KALRN: variants seen among roughly 807,000 people sequenced by gnomAD.
KALRN encodes the protein kalirin.
A neutral mutation model predicts 353.7 loss-of-function variants in KALRN; 70 were observed. That is an observed-to-expected ratio of 0.20 (90% CI 0.16 to 0.24). The LOEUF is 0.24. Ranked by LOEUF, KALRN falls within the 10% of genes least tolerant of loss-of-function variation. KALRN has a pLI of 1.00. For synonymous variants in KALRN, 1,391 were observed against 1,434.8 expected, an observed-to-expected ratio of 0.97 and a Z score of 0.69; for missense variants, 2,791 against 3,756.7, an observed-to-expected ratio of 0.74 and a Z score of 6.72.
At chr3:124,100,891 T>C (rs1458889260) in intron 1 of KALRN, among the ~76,000 whole-genome samples, 1 of 152,244 alleles carries the variant, frequency 6.6e-6, no homozygotes, top group Non-Finnish European at 1.5e-5. Context: ...TAAAGACCTC[T>C]GTAGGTGATT....
chr3:124,517,735 C>G (rs1012674102), intron 33 of KALRN, among the ~76,000 whole-genome samples: 1 of 152,176 alleles, frequency 6.6e-6, no homozygotes, highest in Non-Finnish European at 1.5e-5. Flanking sequence ...CCCAAACCAG[C>G]TGCATGCCTT....
Position 124,661,875 on chromosome 3 carries a change from G to A in KALRN, c.6292G>A (p.Val2098Ile). ...IEKAVELMCL[V>I]PKRCNDMMNL... ...GAAAGCAGTGGAGTTAATGTGCCTT[G>A]TTCCCAAACGCTGCAATGACATGAT... Residue 2098 changes from valine to isoleucine, a missense_variant, in exon 45 of 60, where the codon GTT becomes ATT. This residue lies in a region of KALRN where 1,065 missense variants were observed against 1,156.4 expected (regional missense o/e 0.92). Coordinates refer to ENST00000682506, the MANE Select transcript of KALRN (RefSeq NM_001388419.1). 1 of 1,614,134 alleles carries A rather than the reference G, an allele frequency of 6.2e-7. No homozygotes were observed. Among genetic ancestry groups the A allele is most frequent in the Non-Finnish European group, 8.5e-7 (1 of 1,180,002 alleles).
intron 6 of KALRN, 77 bp from the exon 7 acceptor site, chr3:124,325,903 C>G: frequency 7.8e-7 from 1 of 1,282,194 alleles, no homozygotes; most frequent in Non-Finnish European, 1.1e-6. Flanking sequence ...CTCCCTTCCC[C>G]AAATATGTAC....
At position 124,426,265 on chromosome 3, in the gene KALRN, G is replaced by A. The variant is rs6773253; in HGVS notation, c.2709+3287G>A. 7.3e-3 allele frequency among the ~76,000 whole-genome samples: 1,119 copies of A among 152,272 alleles called. 11 individuals carry two copies. The highest frequency in any genetic ancestry group is 0.025 in the African/African-American group (1,039 of 41,540). ...GGAAGCTGTTGACTCTTGGAAAAAG[G>A]GAGTTAATTTAGATGTCGGTATTGA... On this transcript the variant is annotated intron_variant, in intron 15 of 59. Coordinates refer to ENST00000682506, the MANE Select transcript of KALRN (RefSeq NM_001388419.1).
chr3:124,592,325 A>AG, intron 34 of KALRN, among the ~76,000 whole-genome samples: 2 of 142,400 alleles, frequency 1.4e-5, no homozygotes, highest in South Asian at 4.5e-4. Context: ...AAAAAAAAAA[A>AG]AAAAGAAAAA....
intron 1 of KALRN, among the ~76,000 whole-genome samples, chr3:124,191,419 C>A (rs2074904019): frequency 6.6e-6 from 1 of 152,198 alleles, no homozygotes; most frequent in Non-Finnish European, 1.5e-5. Flanking sequence ...CCCCCAGCCA[C>A]CAGTCATCTT....
chr3:124,108,494 G>A (rs1191579919), intron 1 of KALRN, among the ~76,000 whole-genome samples: 2 of 152,112 alleles, frequency 1.3e-5, no homozygotes, highest in Admixed American at 6.5e-5. Context: ...TACATGTTTG[G>A]GCACACAGTT....
At chr3:124,522,951 A>G (rs1040876172) in intron 33 of KALRN, among the ~76,000 whole-genome samples, 3 of 152,190 alleles carry the variant, frequency 2.0e-5, no homozygotes, top group African/African-American at 7.2e-5. Context: ...TAAACAAGGG[A>G]TGTGTCCTGA....
chr3:124,620,451 C>G (rs761420753), intron 34 of KALRN, among the ~76,000 whole-genome samples: 9 of 152,196 alleles, frequency 5.9e-5, no homozygotes, highest in Non-Finnish European at 1.2e-4. Context: ...GGAAAGTTTT[C>G]TACTCCACAG....
intron 51 of KALRN, among the ~76,000 whole-genome samples, chr3:124,687,688 C>T (rs764324854): frequency 1.7e-5 from 2 of 116,734 alleles, no homozygotes; most frequent in South Asian, 5.1e-4. Flanking sequence ...AAAAATTGAC[C>T]ATGTGTGCTA....
chr3:124,183,064 A>C (rs558097907), intron 1 of KALRN, among the ~76,000 whole-genome samples: 1 of 152,172 alleles, frequency 6.6e-6, no homozygotes, highest in African/African-American at 2.4e-5. Context: ...CTGTAGAAAT[A>C]AGGCTTTCAA....
rs1374868184 is a variant in KALRN, at chr3:124,329,866, G to A, written c.1290G>A (p.Leu430=). ...CACCCTGCATCTCCTTCCAGTTCCTGTCGGGAGTGGATGCCTGGTGCAAGA... is the reference window on the plus strand; with the variant it reads ...CACCCTGCATCTCCTTCCAGTTCCTATCGGGAGTGGATGCCTGGTGCAAGA... ...AVFHQKAEQF[L]SGVDAWCKMC... Residue 430 remains leucine (L), a synonymous_variant, in exon 8 of 60, where the codon CTG becomes CTA. Transcript: ENST00000682506. 34 of 1,613,360 alleles carry A rather than the reference G, an allele frequency of 2.1e-5. No individual in the cohort carries two copies. Among genetic ancestry groups the A allele is most frequent in the Non-Finnish European group, 2.7e-5 (32 of 1,179,646 alleles).
intron 33 of KALRN, among the ~76,000 whole-genome samples, chr3:124,506,258 CAGA>C (rs1184631718): frequency 3.9e-5 from 6 of 152,144 alleles, no homozygotes; most frequent in African/African-American, 1.4e-4. Context: ...CAGACCAGGA[CAGA>C]TGTCCACTCC....
chr3:124,586,055 T>G (rs1374281102), intron 34 of KALRN, among the ~76,000 whole-genome samples: 1 of 152,200 alleles, frequency 6.6e-6, no homozygotes, highest in Admixed American at 6.5e-5. Context: ...GTCATTAAGG[T>G]CATAATCTTA....
At chr3:124,104,946 A>G (rs1470215152) in intron 1 of KALRN, among the ~76,000 whole-genome samples, 3 of 152,126 alleles carry the variant, frequency 2.0e-5, no homozygotes, top group Admixed American at 2.0e-4. Flanking sequence ...AGCTAAAGAA[A>G]AGGGGGCAGG....
At chr3:124,701,880 A>T (rs1039370089) in intron 56 of KALRN, among the ~76,000 whole-genome samples, 158 bp from the exon 57 acceptor site, 9 of 152,206 alleles carry the variant, frequency 5.9e-5, no homozygotes, top group African/African-American at 2.2e-4. Context: ...ATTTTTTAAA[A>T]TAACATTCCA....
intron 1 of KALRN, among the ~76,000 whole-genome samples, chr3:124,179,110 TA>T (rs1302411030): frequency 2.8e-4 from 41 of 147,578 alleles, no homozygotes; most frequent in East Asian, 9.8e-4. Flanking sequence ...ACCCTGTCTC[TA>T]AAAAAAAAAA....
intron 16 of KALRN, 133 bp downstream of exon 16, chr3:124,430,908 G>C: frequency 2.7e-6 from 3 of 1,111,350 alleles, no homozygotes; most frequent in Non-Finnish European, 3.7e-6. Context: ...GGTCCAGGGA[G>C]CCTTCCTCTT....
At chr3:124,353,721 T>C (rs1377267480) in intron 10 of KALRN, among the ~76,000 whole-genome samples, 5 of 151,732 alleles carry the variant, frequency 3.3e-5, no homozygotes, top group African/African-American at 1.2e-4. Flanking sequence ...TTTCACACTC[T>C]AGCTTCTTAA....
Sources: allele counts gnomAD v4.1 joint callset (sites outside exome capture counted in the v4.1 genomes callset), GRCh38; gene constraint gnomAD v4.1.1; regional missense constraint gnomAD v4.1.1; transcripts MANE v1.5; gene names NCBI Gene and HGNC (gene_info 2026-07-23, HGNC 2026-07-21).